The following TENM3 variants were observed in gnomAD, a reference collection of about 807,000 sequenced individuals.
TENM3 encodes teneurin transmembrane protein 3.
Under a neutral mutation model 255.1 loss-of-function variants are expected in TENM3, and 63 were observed. That is an observed-to-expected ratio of 0.25 (90% CI 0.20 to 0.30). The LOEUF (loss-of-function observed/expected upper bound fraction) is 0.30. Ranked by LOEUF, TENM3 falls within the 10% of genes least tolerant of loss-of-function variation. The pLI, the probability that TENM3 is intolerant of heterozygous loss-of-function variation, is 1.00. For synonymous variants in TENM3, 1,306 were observed against 1,322.3 expected, an observed-to-expected ratio of 0.99 and a Z score of 0.27; for missense variants, 2,929 against 3,461.1, an observed-to-expected ratio of 0.85 and a Z score of 3.86.
At chr4:182,528,678 G>A (rs961332021) in intron 3 of TENM3, among the ~76,000 whole-genome samples, 10 of 152,180 alleles carry the variant, frequency 6.6e-5, no homozygotes, top group African/African-American at 2.4e-4. Context: ...CACTCAGTAT[G>A]GTGAATTTGG....
the TENM3 span, among the ~76,000 whole-genome samples, chr4:181,801,695 T>TATAC: frequency 7.9e-6 from 1 of 125,908 alleles, no homozygotes; most frequent in African/African-American, 3.1e-5. Flanking sequence ...TATATATATA[T>TATAC]ATGCAACAAT....
the TENM3 span, among the ~76,000 whole-genome samples, chr4:181,607,693 G>T: frequency 6.6e-6 from 1 of 152,196 alleles, no homozygotes; most frequent in South Asian, 2.1e-4. Context: ...GTGAGTCACC[G>T]TGCCTGGCCA....
chr4:182,476,591 GAC>G (rs1003910816), intron 3 of TENM3, among the ~76,000 whole-genome samples: 12 of 151,894 alleles, frequency 7.9e-5, no homozygotes, highest in Non-Finnish European at 1.3e-4. Flanking sequence ...TATATATTTG[GAC>G]ACACATATAT....
chr4:182,041,834 A>T, the TENM3 span, among the ~76,000 whole-genome samples: 2 of 152,300 alleles, frequency 1.3e-5, no homozygotes, highest in Non-Finnish European at 2.9e-5. Flanking sequence ...ACTTTCACGA[A>T]GCTACAGTTC....
the TENM3 span, among the ~76,000 whole-genome samples, chr4:181,839,341 G>T: frequency 9.2e-6 from 1 of 108,692 alleles, no homozygotes. Context: ...TATATGTATT[G>T]AGGGTATATA....
chr4:182,673,068 G>C lies in TENM3; in HGVS notation c.1175G>C (p.Arg392Pro). ...TIDSGELDIG[R>P]RAIQEIPPGI... is the part of the protein sequence containing the mutation. ...GATTCCGGAGAACTTGATATTGGCC[G>C]AAGAGCAATTCAAGAGATTCCTCCC... Residue 392 changes from arginine to proline, a missense_variant, in exon 7 of 28, where the codon CGA (arginine) becomes CCA (proline). Around this residue, in one of 6 missense-constraint regions of TENM3, gnomAD observed 1,608 missense variants for 1,884.4 expected, o/e 0.85. Coordinates refer to ENST00000511685, the MANE Select transcript of TENM3 (RefSeq NM_001080477.4). The C allele has an allele frequency of 1.2e-6, 2 of 1,610,168 alleles. No homozygotes were observed. The highest frequency in any genetic ancestry group is 1.7e-6 in the Non-Finnish European group (2 of 1,177,846).
At chr4:182,234,975 A>T (rs919778653) in intron 1 of TENM3, among the ~76,000 whole-genome samples, 3 of 152,086 alleles carry the variant, frequency 2.0e-5, no homozygotes, top group African/African-American at 7.2e-5. Context: ...CAGGCCTGGG[A>T]AGGACATTTT....
chr4:182,245,413 A>G (rs1309902108), intron 1 of TENM3, among the ~76,000 whole-genome samples: 1 of 152,224 alleles, frequency 6.6e-6, no homozygotes, highest in Non-Finnish European at 1.5e-5. Context: ...ATTGCTTCTC[A>G]GGTGGCCCCA....
chr4:181,790,954 C>A, the TENM3 span, among the ~76,000 whole-genome samples: 1 of 152,182 alleles, frequency 6.6e-6, no homozygotes, highest in African/African-American at 2.4e-5. Flanking sequence ...GGCCCCCATA[C>A]TCCAGCAACT....
intron 1 of TENM3, among the ~76,000 whole-genome samples, chr4:182,152,113 T>C (rs958065161): frequency 6.6e-6 from 1 of 151,916 alleles, no homozygotes; most frequent in Non-Finnish European, 1.5e-5. Context: ...TTGAAAATAA[T>C]GAGACCTACT....
At chr4:181,927,062 G>T in the TENM3 span, among the ~76,000 whole-genome samples, 39 of 152,270 alleles carry the variant, frequency 2.6e-4, no homozygotes, top group South Asian at 7.9e-3. Context: ...AGAGCCCTGG[G>T]TTTCAATCAC....
At chr4:182,534,563 C>T (rs1740102218) in intron 3 of TENM3, among the ~76,000 whole-genome samples, 2 of 152,160 alleles carry the variant, frequency 1.3e-5, no homozygotes, top group African/African-American at 2.4e-5. Flanking sequence ...AACACATGGT[C>T]ACTGGAGTTC....
the TENM3 span, among the ~76,000 whole-genome samples, chr4:181,830,619 C>T: frequency 1.3e-5 from 2 of 151,906 alleles, no homozygotes; most frequent in Admixed American, 1.3e-4. Flanking sequence ...GTTTTCTCAC[C>T]TGTAAACTAG....
At chr4:182,674,114 G>C (rs1044073022) in intron 7 of TENM3, among the ~76,000 whole-genome samples, 14 of 152,110 alleles carry the variant, frequency 9.2e-5, no homozygotes, top group Non-Finnish European at 1.8e-4. Flanking sequence ...TTGACAGTAG[G>C]ATGAGCCTAA....
At chr4:182,679,142 G>A (rs1301714148) in intron 7 of TENM3, among the ~76,000 whole-genome samples, 1 of 151,970 alleles carries the variant, frequency 6.6e-6, no homozygotes, top group Non-Finnish European at 1.5e-5. Context: ...AAACCACCAT[G>A]GCACGTGTAT....
At chr4:181,875,064 T>C in the TENM3 span, among the ~76,000 whole-genome samples, 1 of 152,218 alleles carries the variant, frequency 6.6e-6, no homozygotes, top group Non-Finnish European at 1.5e-5. Flanking sequence ...CTTTTTCATG[T>C]TTTTTAGTGA....
chr4:182,507,897 A>C (rs1166814468), intron 3 of TENM3, among the ~76,000 whole-genome samples: 1 of 152,196 alleles, frequency 6.6e-6, no homozygotes, highest in Admixed American at 6.5e-5. Context: ...TCACATACTT[A>C]AGTGATGAAT....
chr4:181,522,128 A>G, the TENM3 span, among the ~76,000 whole-genome samples: 41 of 146,960 alleles, frequency 2.8e-4, no homozygotes, highest in African/African-American at 5.1e-4. Context: ...AAAAAAAAAA[A>G]AAGAAGAAGC....
chr4:182,107,155 C>CACACACAT, the TENM3 span, among the ~76,000 whole-genome samples: 1 of 60,058 alleles, frequency 1.7e-5, no homozygotes, highest in Non-Finnish European at 3.5e-5. Flanking sequence ...AGAACATACA[C>CACACACAT]ACACACACAC....
Sources: allele counts gnomAD v4.1 joint callset (sites outside exome capture counted in the v4.1 genomes callset), GRCh38; gene constraint gnomAD v4.1.1; regional missense constraint gnomAD v4.1.1; transcripts MANE v1.5; gene names NCBI Gene and HGNC (gene_info 2026-07-23, HGNC 2026-07-21).